The following ARG1 variants were observed in gnomAD, a reference collection of about 807,000 sequenced individuals.
ARG1 encodes the protein arginase-1.
ARG1 carries 20 observed loss-of-function variants against 33.0 expected under a neutral mutation model. That is an observed-to-expected ratio of 0.61 (90% CI 0.43 to 0.88). The LOEUF (loss-of-function observed/expected upper bound fraction) is 0.88. Among genes scored for constraint, ARG1 ranks in the 40% least tolerant of loss-of-function variants. The pLI is 0.00. For synonymous variants in ARG1, 146 were observed against 140.6 expected (o/e 1.04, Z -0.27); for missense variants, 374 against 384.7 (o/e 0.97, Z 0.23).
rs369360991 is a variant in ARG1, at chr6:131,583,214, C to T, written c.665+50C>T. On this transcript the variant is annotated intron_variant, in intron 6 of 7. Coordinates refer to ENST00000368087, the MANE Select transcript of ARG1 (RefSeq NM_000045.4). ...CATGTGTGTGCAACAGAAAAGGTTG[C>T]TACTGACAACCAAAGTTATTAATAA... 21 of 1,594,444 alleles carry T rather than the reference C, an allele frequency of 1.3e-5. No homozygotes were observed. The East Asian group carries it at 1.3e-4, about 10-fold the overall frequency.
Position 131,583,333 on chromosome 6 carries a change from ATCCTT to A in ARG1, c.666-18_666-14del, listed in dbSNP as rs772208283. ...GTGAAGCCATCAACCTTAAACTGAA[ATCCTT>A]TCCCACTTCTTAAAAGAAAGAAAAG... On this transcript the variant is annotated splice_polypyrimidine_tract_variant and intron_variant, in intron 6 of 7. Transcript: ENST00000368087. 1 of 1,614,116 alleles carries A rather than the reference ATCCTT, an allele frequency of 6.2e-7. No homozygotes were observed. Among genetic ancestry groups the A allele is most frequent in the East Asian group, 2.2e-5 (1 of 44,878 alleles).
In ARG1 at chr6:131,579,270, TG is replaced by T; in HGVS notation, c.293del (p.Gly98AlafsTer36). 6.2e-7 allele frequency: 1 copy of T among 1,614,038 alleles called. No individual in the cohort carries two copies. Among genetic ancestry groups the T allele is most frequent in the Non-Finnish European group, 8.5e-7 (1 of 1,179,992 alleles). On this transcript the variant is annotated frameshift_variant, in exon 3 of 8. Coordinates refer to ENST00000368087, the MANE Select transcript of ARG1 (RefSeq NM_000045.4). LOFTEE classifies it high-confidence loss of function. ...VKKNGRISLV[L>X]GGDHSLAIGS... ...AAGAACGGAAGAATCAGCCTGGTGCTGGGCGGAGACCACAGGTCTTGTTGAA... is the reference window on the plus strand; with the variant it reads ...AAGAACGGAAGAATCAGCCTGGTGCTGGCGGAGACCACAGGTCTTGTTGAA...
chr6:131,578,411 T>C (rs1773737063), intron 2 of ARG1, among the ~76,000 whole-genome samples: 1 of 152,136 alleles, frequency 6.6e-6, no homozygotes, highest in African/African-American at 2.4e-5. Context: ...CATGACACTC[T>C]CTACTTTTCA....
At chr6:131,577,449 T>G (rs1439048882) in intron 2 of ARG1, among the ~76,000 whole-genome samples, 1 of 152,334 alleles carries the variant, frequency 6.6e-6, no homozygotes, top group South Asian at 2.1e-4. Context: ...TGTGTGGATA[T>G]GTTTTCATTT....
At position 131,583,778 on chromosome 6, in the gene ARG1, C is replaced by T. The variant is rs1473029048; in HGVS notation, c.839C>T (p.Pro280Leu). The T allele has an allele frequency of 1.2e-6, 2 of 1,614,006 alleles. No individual in the cohort carries two copies. Among genetic ancestry groups the T allele is most frequent in the Admixed American group, 1.7e-5 (1 of 60,030 alleles). The change falls in exon 8 of 8, where the codon CCA (proline) becomes CTA (leucine). Residue 280 changes from proline (P) to leucine (L), a missense_variant. By Grantham distance (98) the Pro-to-Leu change is moderately conservative. Transcript: ENST00000368087. ...GGATTAGATATAATGGAAGTGAACC[C>T]ATCCCTGGGGAAGACACCAGAAGAA... ...LSGLDIMEVNPSLGKTPEEVT... is the reference protein window; with the variant it reads ...LSGLDIMEVNLSLGKTPEEVT...
At chr6:131,577,320 A>G (rs930702457) in intron 2 of ARG1, among the ~76,000 whole-genome samples, 10 of 152,194 alleles carry the variant, frequency 6.6e-5, no homozygotes, top group African/African-American at 1.2e-4. Flanking sequence ...TGCAAATGAT[A>G]CAGCCACTTT....
At position 131,579,131 on chromosome 6, in the gene ARG1, G is replaced by T; in HGVS notation, c.151G>T (p.Gly51Trp). 2.5e-6 allele frequency: 4 copies of T among 1,614,112 alleles called. No homozygotes were observed. Among genetic ancestry groups the T allele is most frequent in the Non-Finnish European group, 3.4e-6 (4 of 1,179,988 alleles). Residue 51 changes from glycine to tryptophan, a missense_variant, in exon 3 of 8, where the codon GGG (glycine) becomes TGG (tryptophan). Transcript: ENST00000368087. Reference protein sequence around the residue: ...KEQECDVKDYGDLPFADIPND... With the variant: ...KEQECDVKDYWDLPFADIPND... ...TTTAGAGTGTGATGTGAAGGATTATGGGGACCTGCCCTTTGCTGACATCCC... is the reference window on the plus strand; with the variant it reads ...TTTAGAGTGTGATGTGAAGGATTATTGGGACCTGCCCTTTGCTGACATCCC...
At chr6:131,582,409 A>C (rs1375778727) in intron 4 of ARG1, among the ~76,000 whole-genome samples, 1 of 152,212 alleles carries the variant, frequency 6.6e-6, no homozygotes, top group African/African-American at 2.4e-5. Context: ...TGGGGCACAA[A>C]GTAGGTAAAT....
intron 1 of ARG1, among the ~76,000 whole-genome samples, 165 bp downstream of exon 1, chr6:131,573,504 T>C (rs533598114): frequency 2.6e-5 from 4 of 152,240 alleles, no homozygotes; most frequent in Non-Finnish European, 5.9e-5. Flanking sequence ...TGTATAATTA[T>C]AGTCACATAT....
chr6:131,581,105 A>T, intron 3 of ARG1, 114 bp from the exon 4 acceptor site: 1 of 1,034,774 alleles, frequency 9.7e-7, no homozygotes, highest in Non-Finnish European at 1.5e-6. Flanking sequence ...AACCTATCAG[A>T]AATATCAGAC....
At chr6:131,581,156 A>G in intron 3 of ARG1, 63 bp from the exon 4 acceptor site, 1 of 1,533,152 alleles carries the variant, frequency 6.5e-7, no homozygotes, top group East Asian at 2.2e-5. Context: ...CATTGAGTGA[A>G]TAATATGATG....
rs561880971 is a variant in ARG1, at chr6:131,583,681, T to A, written c.803-61T>A. On this transcript the variant is annotated intron_variant, in intron 7 of 7. Transcript: ENST00000368087. ...TAGTGGATAATCTTTCAAGTCTGTC[T>A]GTACTACTTTCAAAATGTCAACTAT... The A allele has an allele frequency of 3.5e-5, 55 of 1,573,674 alleles. No individual in the cohort carries two copies. In the African/African-American group the frequency reaches 7.4e-4, roughly 21 times the overall value.
At chr6:131,579,069 A>T in intron 2 of ARG1, 42 bp from the exon 3 acceptor site, 4 of 1,603,290 alleles carry the variant, frequency 2.5e-6, no homozygotes, top group Non-Finnish European at 3.4e-6. Context: ...CTGATTTATA[A>T]TCTACTTTTT....
chr6:131,579,292 T>C lies in ARG1; in HGVS notation c.305+7T>C, dbSNP rs886061060. On this transcript the variant is annotated splice_region_variant and intron_variant, in intron 3 of 7. Coordinates refer to ENST00000368087, the MANE Select transcript of ARG1 (RefSeq NM_000045.4). ...TGCTGGGCGGAGACCACAGGTCTTG[T>C]TGAATAACTGTGTCTATGGGAATCT... 32 of 1,613,736 alleles carry C rather than the reference T, an allele frequency of 2.0e-5. No homozygotes were observed. Among genetic ancestry groups the C allele is most frequent in the Non-Finnish European group, 2.7e-5 (32 of 1,179,900 alleles).
chr6:131,581,343 C>A lies in ARG1; in HGVS notation c.430C>A (p.Pro144Thr). Residue 144 changes from proline (P) to threonine (T), a missense_variant, in exon 4 of 8, where the codon CCT becomes ACT. Physicochemically the swap from Pro to Thr is conservative, Grantham distance 38. Transcript: ENST00000368087. The part of the protein sequence containing the change: ...TTTSGNLHGQ[P>T]VSFLLKELKG... ...CACAAGTGGAAACTTGCATGGACAA[C>A]CTGTATCTTTCCTCCTGAAGGAACT... The A allele has an allele frequency of 1.2e-6, 2 of 1,613,740 alleles. No individual in the cohort carries two copies. The highest frequency in any genetic ancestry group is 1.7e-6 in the Non-Finnish European group (2 of 1,179,824).
chr6:131,575,819 C>G (rs1345223942), intron 1 of ARG1, among the ~76,000 whole-genome samples: 2 of 152,164 alleles, frequency 1.3e-5, no homozygotes, highest in Non-Finnish European at 2.9e-5. Flanking sequence ...TCCCTAATGT[C>G]AAAACGGCAA....
At chr6:131,578,525 G>A (rs879780676) in intron 2 of ARG1, among the ~76,000 whole-genome samples, 13 of 152,080 alleles carry the variant, frequency 8.5e-5, no homozygotes, top group East Asian at 1.9e-4. Context: ...CTTTATTTCC[G>A]AAGCTTCCAA....
At chr6:131,582,987 AT>A in intron 5 of ARG1, 72 bp from the exon 6 acceptor site, 2 of 1,043,070 alleles carry the variant, frequency 1.9e-6, no homozygotes, top group Non-Finnish European at 2.9e-6. Flanking sequence ...CTATATTTAT[AT>A]TTCCCTTAAA....
chr6:131,576,375 T>A (rs556545273), intron 1 of ARG1, among the ~76,000 whole-genome samples: 2 of 152,288 alleles, frequency 1.3e-5, no homozygotes, highest in South Asian at 4.1e-4. Flanking sequence ...GGGATGTAGG[T>A]TTTGGAATCC....
Sources: allele counts gnomAD v4.1 joint callset (sites outside exome capture counted in the v4.1 genomes callset), GRCh38; gene constraint gnomAD v4.1.1; transcripts MANE v1.5; gene names NCBI Gene and HGNC (gene_info 2026-07-23, HGNC 2026-07-21).